HDAC7: variants seen among roughly 807,000 people sequenced by gnomAD.
The protein encoded by HDAC7 is histone deacetylase 7.
A neutral mutation model predicts 115.5 loss-of-function variants in HDAC7; 26 were observed. The observed-to-expected ratio is 0.23, with a 90% CI of 0.16 to 0.31. The LOEUF (loss-of-function observed/expected upper bound fraction) is 0.31. Among genes scored for constraint, HDAC7 ranks in the 10% least tolerant of loss-of-function variants. The pLI is 1.00. For synonymous variants in HDAC7, 564 were observed against 550.9 expected (o/e 1.02, Z -0.33); for missense variants, 1,068 against 1,329.0 (o/e 0.80, Z 3.05).
intron 24 of HDAC7, chr12:47,784,775 G>A (rs1462135080): frequency 6.5e-7 from 1 of 1,535,582 alleles, no homozygotes; most frequent in South Asian, 1.2e-5. Flanking sequence ...CCATGTCCTG[G>A]AATCTGGCTC....
Position 47,785,761 on chromosome 12 carries a change from C to T in HDAC7, c.2697G>A (p.Leu899=). ...DASEACVAAL[L]GNRVDPLSEE... The stretch of plus-strand genomic sequence containing the variant: ...GAGGGAGACGGCTCACCCTGTTACC[C>T]AGAAGAGCAGCCACACAGGCCTCAG... Residue 899 remains leucine (L), a synonymous_variant, in exon 23 of 26, where the codon CTG becomes CTA. Coordinates refer to ENST00000080059, the MANE Select transcript of HDAC7 (RefSeq NM_015401.5). 6.2e-7 allele frequency: 1 copy of T among 1,606,512 alleles called. No homozygotes were observed. The highest frequency in any genetic ancestry group is 8.5e-7 in the Non-Finnish European group (1 of 1,176,572).
In HDAC7 at chr12:47,789,310, C is replaced by A; in HGVS notation, c.2186G>T (p.Arg729Leu). The A allele has an allele frequency of 6.2e-7, 1 of 1,614,002 alleles. No homozygotes were observed. Among genetic ancestry groups the A allele is most frequent in the Non-Finnish European group, 8.5e-7 (1 of 1,180,004 alleles). ...GGCCTTGCTCTGCTGTTGCAGCTGC[C>A]GGCAGGCGATGGCCACTGAGTTGAA... ...CFFNSVAIACRQLQQQSKASK... is the reference protein window; with the variant it reads ...CFFNSVAIACLQLQQQSKASK... Residue 729 changes from arginine to leucine, a missense_variant, in exon 19 of 26, where the codon CGG (arginine) becomes CTG (leucine). Physicochemically the swap from Arg to Leu is moderately radical, Grantham distance 102. Transcript: ENST00000080059.
At position 47,795,897 on chromosome 12, in the gene HDAC7, G is replaced by A. The variant is rs1170884727; in HGVS notation, c.906+9C>T. On this transcript the variant is annotated intron_variant, in intron 9 of 25. Transcript: ENST00000080059. This position sits in a 1 kb window ranked among gnomAD's most constrained non-coding sequence, Gnocchi z 4.3. ...GCTTGGAGTGGGGGTGGGCACCCCAGCCACTCACCCTGGCAGGGGCGGGCA... is the reference window on the plus strand; with the variant it reads ...GCTTGGAGTGGGGGTGGGCACCCCAACCACTCACCCTGGCAGGGGCGGGCA... 1.0e-5 allele frequency: 16 copies of A among 1,545,822 alleles called. No individual in the cohort carries two copies. Among genetic ancestry groups the A allele is most frequent in the Non-Finnish European group, 1.4e-5 (16 of 1,144,980 alleles).
chr12:47,813,261 C>CG (rs1944748107), intron 1 of HDAC7: 1 of 150,230 alleles, frequency 6.7e-6, no homozygotes, highest in Non-Finnish European at 1.5e-5. Flanking sequence ...ATAACCTGAA[C>CG]GCGCCTGGGA....
At chr12:47,787,640 T>TC in intron 21 of HDAC7, 72 bp downstream of exon 21, 2 of 1,054,946 alleles carry the variant, frequency 1.9e-6, no homozygotes, top group Non-Finnish European at 2.8e-6. Context: ...ACTGATCACC[T>TC]CCCCCCTGGT....
At position 47,791,926 on chromosome 12, in the gene HDAC7, C is replaced by T. The variant is rs777217285; in HGVS notation, c.1757G>A (p.Arg586His). 2.5e-6 allele frequency: 4 copies of T among 1,610,888 alleles called. No homozygotes were observed. Among genetic ancestry groups the T allele is most frequent in the Non-Finnish European group, 3.4e-6 (4 of 1,179,202 alleles). The change falls in exon 14 of 26, where the codon CGC becomes CAC. Residue 586 changes from arginine (R) to histidine (H), a missense_variant. By Grantham distance (29) the Arg-to-His change is conservative (BLOSUM62 0). This residue lies in a region of HDAC7 where 618 missense variants were observed against 701.5 expected (regional missense o/e 0.88). Coordinates refer to ENST00000080059, the MANE Select transcript of HDAC7 (RefSeq NM_015401.5). ...DNSRHPEHAGRIQSIWSRLQE... is the reference protein window; with the variant it reads ...DNSRHPEHAGHIQSIWSRLQE... ...CAGCCGGGACCAGATGCTCTGGATGCGGCCGGCGTGCTCCGGGTGCCTGCT... is the reference window on the plus strand; with the variant it reads ...CAGCCGGGACCAGATGCTCTGGATGTGGCCGGCGTGCTCCGGGTGCCTGCT...
At chr12:47,788,291 TC>T in intron 19 of HDAC7, 127 bp from the exon 20 acceptor site, 1 of 1,245,900 alleles carries the variant, frequency 8.0e-7, no homozygotes, top group East Asian at 2.5e-5. Flanking sequence ...AACCTGGGGT[TC>T]CTAAAGCCAC....
At chr12:47,792,311 AG>A in intron 13 of HDAC7, 1 of 445,012 alleles carries the variant, frequency 2.2e-6, no homozygotes, top group Non-Finnish European at 4.1e-6. Flanking sequence ...TGGGTGGCCC[AG>A]GACTCGAGGG....
chr12:47,798,479 A>T lies in HDAC7; in HGVS notation c.349+83T>A. ...AGGCCCAGCTGGCTGCGGCCCTCCC[A>T]CCTCACCCCTCACAAGCCACACAGG... is the stretch of plus-strand genomic sequence containing the variant. On this transcript the variant is annotated intron_variant, in intron 4 of 25. Transcript: ENST00000080059. The surrounding 1 kb of genome is among the most constrained non-coding windows in gnomAD (Gnocchi z 4.3). The T allele has an allele frequency of 7.7e-7, 1 of 1,290,566 alleles. No homozygotes were observed. 79.9% of individuals were successfully genotyped at this position (1,290,566 alleles called of 1,614,324 possible). A position where few individuals can be genotyped will look rare whatever the true frequency, so the allele number is the denominator to read the frequency against.
rs749805247 is a variant in HDAC7 at position 47,796,909 on chromosome 12, G to A, written c.703+108C>T. 35 of 1,277,334 alleles carry A rather than the reference G, an allele frequency of 2.7e-5. No individual in the cohort carries two copies. In the East Asian group the frequency reaches 3.4e-4, roughly 12 times the overall value. 79.1% of individuals were successfully genotyped at this position (1,277,334 alleles called of 1,614,324 possible). ...GTGTGGGACACCCCCATGCAACCAC[G>A]CATGGCAGTCCTAAGGAGGGGACCC... On this transcript the variant is annotated intron_variant, in intron 7 of 25. Transcript: ENST00000080059.
rs1298095574 is a variant in HDAC7 at position 47,795,921 on chromosome 12, C to G, written c.891G>C (p.Leu297=). The G allele has an allele frequency of 1.3e-6, 2 of 1,550,030 alleles. No individual in the cohort carries two copies. Among genetic ancestry groups the G allele is most frequent in the Non-Finnish European group, 1.7e-6 (2 of 1,147,634 alleles). Residue 297 remains leucine, a synonymous_variant, in exon 9 of 26, where the codon CTG becomes CTC. Transcript: ENST00000080059. This position sits in a 1 kb window ranked among gnomAD's most constrained non-coding sequence, Gnocchi z 4.3. ...VSLLPAITLG[L]PAPARADSDR... is the part of the protein sequence containing the mutation. ...AGCCACTCACCCTGGCAGGGGCGGG[C>G]AGCCCCAGAGTGATTGCGGGCAGCA...
chr12:47,805,892 A>C (rs1421723312), intron 1 of HDAC7, among the ~76,000 whole-genome samples: 2 of 152,224 alleles, frequency 1.3e-5, no homozygotes, highest in African/African-American at 4.8e-5. Context: ...GGTTGAAAAG[A>C]TGGAAATATG....
rs1277140468 is a variant in HDAC7, at chr12:47,798,763, A to G, written c.258+22T>C. On this transcript the variant is annotated intron_variant, in intron 3 of 25. Transcript: ENST00000080059. This position sits in a 1 kb window ranked among gnomAD's most constrained non-coding sequence, Gnocchi z 4.3. ...GGGACCAAGCTCAAGGTGGCCCCAC[A>G]TGCAGGGAGCTCCATCTTTACCCTC... 4 of 1,554,836 alleles carry G rather than the reference A, an allele frequency of 2.6e-6. No individual in the cohort carries two copies. The highest frequency in any genetic ancestry group is 3.5e-6 in the Non-Finnish European group (4 of 1,148,660).
intron 24 of HDAC7, chr12:47,784,633 A>C: frequency 3.9e-6 from 5 of 1,274,098 alleles, no homozygotes; most frequent in African/African-American, 1.5e-5. Context: ...ACCAGTGCTC[A>C]GCCCAGCACT....
chr12:47,813,085 C>G (rs1211988343), intron 1 of HDAC7: 2 of 152,314 alleles, frequency 1.3e-5, no homozygotes, highest in Non-Finnish European at 2.9e-5. Flanking sequence ...AAACATCGTC[C>G]GCCGCCCGCC....
chr12:47,787,129 G>A (rs1943213860), intron 21 of HDAC7, among the ~76,000 whole-genome samples: 1 of 152,172 alleles, frequency 6.6e-6, no homozygotes, highest in South Asian at 2.1e-4. Flanking sequence ...CCTTTGGACT[G>A]AGTTGACCAC....
Position 47,792,318 on chromosome 12 carries a change from GAGGGCCCAGCACC to G in HDAC7, c.1679-327_1679-315del, listed in dbSNP as rs567259180. 1.9e-3 allele frequency: 811 copies of G among 432,332 alleles called. 2 individuals are homozygous for G. The highest frequency in any genetic ancestry group is 3.0e-3 in the Admixed American group (73 of 24,654). 26.8% of individuals were successfully genotyped at this position (432,332 alleles called of 1,614,324 possible). A position where few individuals can be genotyped will look rare whatever the true frequency, so the allele number is the denominator to read the frequency against. Reference sequence around the variant, plus strand: ...ACGACTGCTGGGTGGCCCAGGACTCGAGGGCCCAGCACCAGGCCCTCAAGTGCTCAGAGCAAAG... The same window carrying G: ...ACGACTGCTGGGTGGCCCAGGACTCGAGGCCCTCAAGTGCTCAGAGCAAAG... On this transcript the variant is annotated intron_variant, in intron 13 of 25. Coordinates refer to ENST00000080059, the MANE Select transcript of HDAC7 (RefSeq NM_015401.5).
In HDAC7 at chr12:47,802,264, C is replaced by G. The variant is rs772067127; in HGVS notation, c.30G>C (p.Gln10His). ...TGCAGTAGTGGGCACCCGGGCTCAC[C>G]TGGGTCCCATCTGTAGAGAGAGAGA... The part of the protein sequence containing the change: MHSPGADGT[Q>H]VSPGAHYCSP... The change falls in exon 2 of 26, where the codon CAG becomes CAC. Residue 10 changes from glutamine (Q) to histidine (H), a missense_variant. Physicochemically the swap from Gln to His is conservative, Grantham distance 24. Around this residue, in one of 6 missense-constraint regions of HDAC7, gnomAD observed 161 missense variants for 158.5 expected, o/e 1.02. Transcript: ENST00000080059. 1.6e-5 allele frequency: 26 copies of G among 1,613,938 alleles called. No homozygotes were observed. The highest frequency in any genetic ancestry group is 2.1e-5 in the Non-Finnish European group (25 of 1,180,002).
intron 16 of HDAC7, 118 bp downstream of exon 16, chr12:47,791,140 AC>A: frequency 9.9e-7 from 1 of 1,006,012 alleles, no homozygotes; most frequent in Non-Finnish European, 1.5e-6. Context: ...TCCCTGGCTC[AC>A]CCTGTCTGGC....
Sources: gnomAD v4.1 joint callset for allele counts (sites outside exome capture counted in the v4.1 genomes callset) on GRCh38, gnomAD v4.1.1 for gene constraint, gnomAD v4.1.1 regional missense constraint, Gnocchi (gnomAD v3.1) non-coding constraint, MANE v1.5 for transcripts, NCBI Gene and HGNC (gene_info 2026-07-23, HGNC 2026-07-21) for gene names.